The following SLC15A1 variants were observed in gnomAD, a reference collection of about 807,000 sequenced individuals.
SLC15A1 encodes the protein solute carrier family 15 member 1.
In SLC15A1, 83 loss-of-function variants were observed where a neutral mutation model predicts 92.9. The ratio of observed to expected loss-of-function variants is 0.89; its 90% CI spans 0.75 to 1.07. The LOEUF is 1.07. Among genes scored for constraint, SLC15A1 ranks in the 50% least tolerant of loss-of-function variants. SLC15A1 has a pLI of 0.00. For missense variants in SLC15A1, 857 were observed against 880.1 expected, an observed-to-expected ratio of 0.97 and a Z score of 0.33; for synonymous variants, 322 against 318.2, an observed-to-expected ratio of 1.01 and a Z score of -0.13.
intron 2 of SLC15A1, 71 bp downstream of exon 2, chr13:98,726,772 A>T (rs2088305070): frequency 6.9e-7 from 1 of 1,451,630 alleles, no homozygotes; most frequent in African/African-American, 1.4e-5. Context: ...AGGTGAATGA[A>T]CCCTTAGGGG....
intron 15 of SLC15A1, among the ~76,000 whole-genome samples, chr13:98,707,255 C>T (rs1293615264): frequency 6.6e-6 from 1 of 152,164 alleles, no homozygotes; most frequent in Non-Finnish European, 1.5e-5. Flanking sequence ...AACCCAAGTG[C>T]CTGTCGGGGG....
chr13:98,702,695 C>T (rs1566446084), intron 17 of SLC15A1, among the ~76,000 whole-genome samples, 166 bp from the exon 18 acceptor site: 1 of 152,030 alleles, frequency 6.6e-6, no homozygotes, highest in Admixed American at 6.6e-5. Context: ...GTAGCTCACA[C>T]CTGTAATCCC....
intron 9 of SLC15A1, among the ~76,000 whole-genome samples, chr13:98,713,873 C>G (rs879707003): frequency 3.3e-5 from 5 of 152,074 alleles, no homozygotes; most frequent in Admixed American, 2.6e-4. Context: ...ATAGCAAAAC[C>G]CTGTCTCTAC....
intron 18 of SLC15A1, among the ~76,000 whole-genome samples, chr13:98,694,129 A>G (rs1159783769): frequency 1.3e-5 from 2 of 152,186 alleles, no homozygotes; most frequent in African/African-American, 4.8e-5. Flanking sequence ...AAGCTTCACA[A>G]TATATAGATG....
intron 11 of SLC15A1, 138 bp downstream of exon 11, chr13:98,711,716 C>T (rs1224190630): frequency 2.0e-5 from 12 of 612,672 alleles, no homozygotes; most frequent in Non-Finnish European, 3.2e-5. Flanking sequence ...TGTGATCTAA[C>T]AATTAAACAA....
At position 98,709,868 on chromosome 13, in the gene SLC15A1, A is replaced by G. The variant is rs2088147358; in HGVS notation, c.944T>C (p.Ile315Thr). ...TLQATTMSGK[I>T]GALEIQPDQM... Reference sequence around the variant, plus strand: ...CTAAAACAAAGGAGTCAAACTTACGATTTTCCCGGACATAGTTGTTGCCTG... The same window carrying G: ...CTAAAACAAAGGAGTCAAACTTACGGTTTTCCCGGACATAGTTGTTGCCTG... Residue 315 changes from isoleucine (I) to threonine (T), a missense_variant and splice_region_variant, in exon 12 of 23, where the codon ATC (isoleucine) becomes ACC (threonine). Transcript: ENST00000376503. The G allele has an allele frequency of 8.1e-6, 13 of 1,614,008 alleles. No individual in the cohort carries two copies. The highest frequency in any genetic ancestry group is 6.7e-5 in the East Asian group (3 of 44,898).
At chr13:98,689,179 A>G (rs1212352738) in intron 18 of SLC15A1, among the ~76,000 whole-genome samples, 1 of 152,176 alleles carries the variant, frequency 6.6e-6, no homozygotes, top group Non-Finnish European at 1.5e-5. Context: ...ACCTCAGACG[A>G]TCTGCCCACC....
At chr13:98,723,849 C>T (rs2088277968) in intron 5 of SLC15A1, 63 bp downstream of exon 5, 1 of 1,606,742 alleles carries the variant, frequency 6.2e-7, no homozygotes, top group Admixed American at 1.7e-5. Context: ...AAGACGAAGA[C>T]TTAAGGCATC....
At position 98,686,372 on chromosome 13, in the gene SLC15A1, C is replaced by T. The variant is rs139279186; in HGVS notation, c.1828-75G>A. ...CAGGAGAACACAGCTCACCGATGGG[C>T]GTTTCGTGAAGCAGATCACCCTAAC... On this transcript the variant is annotated intron_variant, in intron 21 of 22. Transcript: ENST00000376503. The T allele has an allele frequency of 1.1e-4, 106 of 1,002,048 alleles. No individual in the cohort carries two copies. In the African/African-American group the frequency reaches 1.3e-3, roughly 12 times the overall value. The allele number at this position is 1,002,048 out of a possible 1,614,324, so 62.1% of individuals were successfully genotyped here. A position where few individuals can be genotyped will look rare whatever the true frequency, so the allele number is the denominator to read the frequency against.
intron 1 of SLC15A1, among the ~76,000 whole-genome samples, chr13:98,731,504 TCA>T (rs1172732797): frequency 6.6e-6 from 1 of 152,054 alleles, no homozygotes; most frequent in Non-Finnish European, 1.5e-5. Context: ...AGAGGTGAAG[TCA>T]CAGAAAGGTC....
At chr13:98,746,475 A>G (rs2088493922) in intron 1 of SLC15A1, among the ~76,000 whole-genome samples, 1 of 152,224 alleles carries the variant, frequency 6.6e-6, no homozygotes, top group Admixed American at 6.5e-5. Context: ...CACTCCCACC[A>G]GCAGTGTATA....
intron 18 of SLC15A1, among the ~76,000 whole-genome samples, chr13:98,694,113 G>A (rs2088004068): frequency 6.6e-6 from 1 of 152,118 alleles, no homozygotes; most frequent in African/African-American, 2.4e-5. Flanking sequence ...TAGCACCCAT[G>A]GTTGAAAGCT....
chr13:98,717,369 T>C lies in SLC15A1; in HGVS notation c.641-1409A>G, dbSNP rs531607599. ...TACCACTAATATTTAATCTTTAAGC[T>C]TCTGATTAACTGAAACCTAATTCAA... On this transcript the variant is annotated intron_variant, in intron 8 of 22. Coordinates refer to ENST00000376503, the MANE Select transcript of SLC15A1 (RefSeq NM_005073.4). Among the ~76,000 whole-genome samples the C allele has an allele frequency of 3.3e-5, 5 of 152,360 alleles. No individual in the cohort carries two copies. In the South Asian group the frequency reaches 1.0e-3, roughly 32 times the overall value.
chr13:98,688,130 T>G (rs2087945312), intron 20 of SLC15A1, 118 bp downstream of exon 20: 1 of 699,630 alleles, frequency 1.4e-6, no homozygotes. Flanking sequence ...CTAAGCCCAT[T>G]TAAAATACAG....
At chr13:98,731,356 G>A (rs1302409736) in intron 1 of SLC15A1, among the ~76,000 whole-genome samples, 1 of 152,208 alleles carries the variant, frequency 6.6e-6, no homozygotes, top group African/African-American at 2.4e-5. Flanking sequence ...TGCAAGCTCG[G>A]TGCAAACCAG....
At chr13:98,742,424 G>T (rs1459612257) in intron 1 of SLC15A1, among the ~76,000 whole-genome samples, 1 of 152,174 alleles carries the variant, frequency 6.6e-6, no homozygotes, top group Non-Finnish European at 1.5e-5. Context: ...CTTTAAGACA[G>T]TTCCTCCCTC....
Position 98,752,634 on chromosome 13 carries a change from G to C in SLC15A1, c.-36C>G, listed in dbSNP as rs1025023916. 3.2e-6 allele frequency: 4 copies of C among 1,251,346 alleles called. No homozygotes were observed. Among genetic ancestry groups the C allele is most frequent in the African/African-American group, 3.1e-5 (2 of 64,408 alleles). 77.5% of individuals were successfully genotyped at this position (1,251,346 alleles called of 1,614,324 possible). A position where few individuals can be genotyped will look rare whatever the true frequency, so the allele number is the denominator to read the frequency against. On this transcript the variant is annotated 5_prime_UTR_variant, in exon 1 of 23. Coordinates refer to ENST00000376503, the MANE Select transcript of SLC15A1 (RefSeq NM_005073.4). ...CCCAGGGCTCCTGCGACCTGCCGGC[G>C]GGACGTGCTCCTGGCAGGTGCTACT...
At chr13:98,705,455 A>G (rs754646339) in intron 16 of SLC15A1, among the ~76,000 whole-genome samples, 43 of 152,166 alleles carry the variant, frequency 2.8e-4, no homozygotes, top group Non-Finnish European at 5.6e-4. Flanking sequence ...GCTACAACAA[A>G]AAATGTCTCC....
At chr13:98,723,117 C>A (rs1219796267) in intron 5 of SLC15A1, among the ~76,000 whole-genome samples, 1 of 152,026 alleles carries the variant, frequency 6.6e-6, no homozygotes. Flanking sequence ...AAAACTGAGG[C>A]TCAGAGAAGA....
Sources: gnomAD v4.1 joint callset for allele counts (sites outside exome capture counted in the v4.1 genomes callset) on GRCh38, gnomAD v4.1.1 for gene constraint, MANE v1.5 for transcripts, NCBI Gene and HGNC (gene_info 2026-07-23, HGNC 2026-07-21) for gene names.